Variants in GALNT13 observed in about 807,000 individuals in gnomAD.
GALNT13 encodes UDP-GalNAc:polypeptide N-acetylgalactosaminyltransferase 13.
GALNT13 carries 28 observed loss-of-function variants against 64.2 expected under a neutral mutation model. The ratio of observed to expected loss-of-function variants is 0.44; its 90% CI spans 0.32 to 0.60. The LOEUF (loss-of-function observed/expected upper bound fraction) is 0.60, where lower values mean the gene tolerates loss of function less well. Among genes scored for constraint, GALNT13 ranks in the 20% least tolerant of loss-of-function variants. The pLI, the probability that GALNT13 is intolerant of heterozygous loss-of-function variation, is 0.05. For missense variants in GALNT13, 577 were observed against 669.8 expected, an observed-to-expected ratio of 0.86 and a Z score of 1.53; for synonymous variants, 214 against 224.6, an observed-to-expected ratio of 0.95 and a Z score of 0.42.
intron 9 of GALNT13, among the ~76,000 whole-genome samples, chr2:154,302,644 T>C (rs1693508207): frequency 6.6e-6 from 1 of 152,114 alleles, no homozygotes; most frequent in South Asian, 2.1e-4. Flanking sequence ...CCCAAGATGG[T>C]TGGGTTATAG....
chr2:154,051,967 A>G (rs1699645467), intron 3 of GALNT13, among the ~76,000 whole-genome samples: 1 of 152,178 alleles, frequency 6.6e-6, no homozygotes, highest in South Asian at 2.1e-4. Flanking sequence ...AAAATCAAAC[A>G]TAGGGTGCAA....
the GALNT13 span, among the ~76,000 whole-genome samples, chr2:153,568,833 A>G: frequency 1.3e-5 from 2 of 152,210 alleles, no homozygotes; most frequent in African/African-American, 4.8e-5. Flanking sequence ...TAGTTAATGG[A>G]TTAGTTTTGT....
chr2:154,073,637 A>T (rs570493503), intron 3 of GALNT13, among the ~76,000 whole-genome samples: 1 of 151,918 alleles, frequency 6.6e-6, no homozygotes, highest in Non-Finnish European at 1.5e-5. Flanking sequence ...ATCATGAAGA[A>T]ATTTAAAAAT....
chr2:153,297,296 A>G, the GALNT13 span, among the ~76,000 whole-genome samples: 1 of 152,344 alleles, frequency 6.6e-6, no homozygotes, highest in South Asian at 2.1e-4. Flanking sequence ...CAAAGACAGA[A>G]TAACAAACCT....
intron 12 of GALNT13, chr2:154,446,766 GT>G (rs1701603044): frequency 2.7e-6 from 4 of 1,496,722 alleles, no homozygotes; most frequent in Non-Finnish European, 3.6e-6. Context: ...ATTTTTGGAG[GT>G]TTGTGTTGCA....
chr2:153,679,873 A>C, the GALNT13 span, among the ~76,000 whole-genome samples: 1 of 151,814 alleles, frequency 6.6e-6, no homozygotes, highest in Non-Finnish European at 1.5e-5. Context: ...CTCAATCCAA[A>C]TTCAGTGTCT....
At chr2:153,590,588 T>C in the GALNT13 span, among the ~76,000 whole-genome samples, 1 of 152,112 alleles carries the variant, frequency 6.6e-6, no homozygotes, top group African/African-American at 2.4e-5. Context: ...CTCAACAAAA[T>C]ACTGAAAACC....
the GALNT13 span, among the ~76,000 whole-genome samples, chr2:153,728,833 A>T: frequency 4.2e-3 from 642 of 152,322 alleles, 4 homozygotes; most frequent in African/African-American, 0.014. Flanking sequence ...AGAAATACAA[A>T]CTACCATCAG....
the GALNT13 span, among the ~76,000 whole-genome samples, chr2:153,757,574 A>G: frequency 6.6e-6 from 1 of 152,082 alleles, no homozygotes; most frequent in African/African-American, 2.4e-5. Flanking sequence ...GTGTTCACCA[A>G]TGGTTGTACC....
chr2:154,274,077 C>G (rs932849269), intron 8 of GALNT13, among the ~76,000 whole-genome samples: 2 of 151,942 alleles, frequency 1.3e-5, no homozygotes, highest in Non-Finnish European at 2.9e-5. Context: ...TAAATCAACC[C>G]TCATTTTACC....
the GALNT13 span, among the ~76,000 whole-genome samples, chr2:153,317,401 C>T: frequency 1.3e-5 from 2 of 152,112 alleles, no homozygotes; most frequent in African/African-American, 4.8e-5. Flanking sequence ...TTCTCACCTG[C>T]TGACCCTAAG....
the GALNT13 span, among the ~76,000 whole-genome samples, chr2:153,627,508 A>G: frequency 6.6e-6 from 1 of 152,136 alleles, no homozygotes; most frequent in Non-Finnish European, 1.5e-5. Flanking sequence ...ATTGTAGTAA[A>G]CAAGTGAAAA....
chr2:153,928,780 T>C (rs72865019), intron 2 of GALNT13, among the ~76,000 whole-genome samples: 14,485 of 152,208 alleles, frequency 0.095, 824 homozygotes, highest in Middle Eastern at 0.14. Context: ...CCCAATATCA[T>C]ATATTTTAGG....
chr2:153,403,500 G>A, the GALNT13 span, among the ~76,000 whole-genome samples: 4 of 152,168 alleles, frequency 2.6e-5, no homozygotes, highest in Non-Finnish European at 5.9e-5. Context: ...ATCAAGCCTG[G>A]GCAAAGGCGG....
At chr2:153,494,516 C>T in the GALNT13 span, among the ~76,000 whole-genome samples, 4 of 151,944 alleles carry the variant, frequency 2.6e-5, no homozygotes, top group Admixed American at 1.3e-4. Context: ...GGGAAGGGAA[C>T]ATTTCTTTTA....
At chr2:153,726,741 C>T in the GALNT13 span, among the ~76,000 whole-genome samples, 1 of 151,922 alleles carries the variant, frequency 6.6e-6, no homozygotes, top group Non-Finnish European at 1.5e-5. Context: ...GAGATCAAGA[C>T]CATCCTGGCT....
At chr2:153,967,979 C>T (rs544706712) in intron 3 of GALNT13, among the ~76,000 whole-genome samples, 5 of 151,850 alleles carry the variant, frequency 3.3e-5, no homozygotes, top group African/African-American at 9.7e-5. Flanking sequence ...AAGACAAAGT[C>T]CTCTGTACTA....
chr2:153,284,633 C>T, the GALNT13 span, among the ~76,000 whole-genome samples: 1 of 152,040 alleles, frequency 6.6e-6, no homozygotes, highest in Non-Finnish European at 1.5e-5. Context: ...TGCTTGGATC[C>T]CCAGTGGAAA....
chr2:153,655,529 A>G, the GALNT13 span, among the ~76,000 whole-genome samples: 1 of 152,160 alleles, frequency 6.6e-6, no homozygotes, highest in Non-Finnish European at 1.5e-5. Context: ...ACCAATGAAC[A>G]TGAGAATCGT....
Sources: gnomAD v4.1 joint callset for allele counts (sites outside exome capture counted in the v4.1 genomes callset) on GRCh38, gnomAD v4.1.1 for gene constraint, MANE v1.5 for transcripts, NCBI Gene and HGNC (gene_info 2026-07-23, HGNC 2026-07-21) for gene names.